The following KCNAB2 variants were observed in gnomAD, a reference collection of about 807,000 sequenced individuals.
The protein encoded by KCNAB2 is potassium voltage-gated channel subfamily A regulatory beta subunit 2.
A neutral mutation model predicts 63.6 loss-of-function variants in KCNAB2; 29 were observed. The ratio of observed to expected loss-of-function variants is 0.46; its 90% confidence interval spans 0.34 to 0.62. The LOEUF (loss-of-function observed/expected upper bound fraction) is 0.62, where lower values mean the gene tolerates loss of function less well. Ranked by LOEUF, KCNAB2 falls within the 20% of genes least tolerant of loss-of-function variation. The pLI, the probability that KCNAB2 is intolerant of heterozygous loss-of-function variation, is 0.01. For synonymous variants in KCNAB2, 222 were observed against 224.2 expected (o/e 0.99, Z 0.09); for missense variants, 359 against 563.9 (o/e 0.64, Z 3.68).
At chr1:6,061,252 A>C (rs1003037067) in intron 2 of KCNAB2, among the ~76,000 whole-genome samples, 12 of 152,238 alleles carry the variant, frequency 7.9e-5, no homozygotes, top group Non-Finnish European at 1.5e-5. Flanking sequence ...ACAGAAAAAG[A>C]ACCAGAAATG....
chr1:6,095,017 T>C (rs1665499366), intron 11 of KCNAB2, among the ~76,000 whole-genome samples: 1 of 151,972 alleles, frequency 6.6e-6, no homozygotes, highest in Admixed American at 6.5e-5. Context: ...CACAGAGAGG[T>C]TCAGTAACAT....
chr1:6,043,733 C>T (rs1660695710), upstream of KCNAB2, among the ~76,000 whole-genome samples: 1 of 152,242 alleles, frequency 6.6e-6, no homozygotes, highest in Non-Finnish European at 1.5e-5. Flanking sequence ...GGCCCTCTCA[C>T]AGGGCAGAGG....
intron 1 of KCNAB2, among the ~76,000 whole-genome samples, chr1:6,019,872 AT>A (rs1212228777): frequency 6.6e-6 from 1 of 152,230 alleles, no homozygotes; most frequent in East Asian, 1.9e-4. Context: ...TGCTCCAGGG[AT>A]TGTCCTAGAC....
intron 1 of KCNAB2, among the ~76,000 whole-genome samples, chr1:6,048,101 A>T (rs1661080480): frequency 6.6e-6 from 1 of 151,872 alleles, no homozygotes; most frequent in South Asian, 2.1e-4. Flanking sequence ...ACATCCCCAA[A>T]CTCAGCCTTC....
At chr1:6,030,540 T>C (rs1237868047), upstream of KCNAB2, among the ~76,000 whole-genome samples, 2 of 151,924 alleles carry the variant, frequency 1.3e-5, no homozygotes, top group Admixed American at 6.6e-5. Context: ...TGTGTGTACA[T>C]ATGTGTGTAT....
At chr1:6,036,294 G>A (rs965394968) in intron 1 of KCNAB2, among the ~76,000 whole-genome samples, 2 of 152,138 alleles carry the variant, frequency 1.3e-5, no homozygotes, top group Non-Finnish European at 2.9e-5. Flanking sequence ...CTTGAGGCCG[G>A]GAGTTGGAGA....
intron 15 of KCNAB2, chr1:6,098,234 C>T (rs932319279): frequency 1.6e-6 from 2 of 1,260,528 alleles, no homozygotes; most frequent in South Asian, 2.1e-5. Context: ...TGCCACCACC[C>T]TTCAGGAAGG....
chr1:6,078,829 G>A lies in KCNAB2; in HGVS notation c.301-3366G>A, dbSNP rs1663934999. 6.6e-6 allele frequency among the ~76,000 whole-genome samples: 1 copy of A among 152,182 alleles called. No homozygotes were observed. Among genetic ancestry groups the A allele is most frequent in the South Asian group, 2.1e-4 (1 of 4,834 alleles). ...ATCCTGATGTGGCAGGGCTGTCGTGGAGCCTGGGAGGCCGCATTTCTGATC... is the reference window on the plus strand; with the variant it reads ...ATCCTGATGTGGCAGGGCTGTCGTGAAGCCTGGGAGGCCGCATTTCTGATC... On this transcript the variant is annotated intron_variant, in intron 4 of 15. Transcript: ENST00000378083. The surrounding 1 kb of genome is among the most constrained non-coding windows in gnomAD (Gnocchi z 4.2).
upstream of KCNAB2, chr1:6,041,622 C>A: frequency 1.7e-6 from 1 of 576,130 alleles, no homozygotes; most frequent in Non-Finnish European, 3.1e-6. Flanking sequence ...GGTCTCTGCC[C>A]CGTGGCCACC....
intron 8 of KCNAB2, 79 bp downstream of exon 8, chr1:6,089,130 GC>G: frequency 2.1e-6 from 3 of 1,425,772 alleles, no homozygotes; most frequent in Non-Finnish European, 2.9e-6. Flanking sequence ...GCAGCACAGG[GC>G]CCGACCCCCC....
intron 4 of KCNAB2, among the ~76,000 whole-genome samples, chr1:6,077,955 C>T (rs766277129): frequency 2.5e-4 from 38 of 152,228 alleles, no homozygotes; most frequent in East Asian, 7.7e-4. Context: ...ACAGCAGCAA[C>T]GTATTCTCTC....
At chr1:6,011,896 G>T (rs111830463) in intron 1 of KCNAB2, among the ~76,000 whole-genome samples, 22 of 152,362 alleles carry the variant, frequency 1.4e-4, no homozygotes, top group African/African-American at 4.8e-4. Flanking sequence ...CCGGAAGGTT[G>T]CTAGGGGAAG....
intron 2 of KCNAB2, among the ~76,000 whole-genome samples, chr1:6,056,893 A>G (rs1238641838): frequency 6.6e-6 from 1 of 151,544 alleles, no homozygotes; most frequent in Non-Finnish European, 1.5e-5. Context: ...ACAAGCACCT[A>G]TGAAGTCATC....
At chr1:6,089,864 A>T (rs532689420) in intron 8 of KCNAB2, among the ~76,000 whole-genome samples, 2 of 151,908 alleles carry the variant, frequency 1.3e-5, no homozygotes, top group African/African-American at 4.8e-5. Flanking sequence ...CATCTGGTTA[A>T]TTTTTTTTGT....
intron 1 of KCNAB2, among the ~76,000 whole-genome samples, chr1:6,016,928 A>G (rs1658538996): frequency 6.6e-6 from 1 of 152,228 alleles, no homozygotes; most frequent in Admixed American, 6.5e-5. Flanking sequence ...TCACATCCCC[A>G]GGAGAGGAGG....
Position 6,072,565 on chromosome 1 carries a change from G to A in KCNAB2, c.219-190G>A, listed in dbSNP as rs746834036. 4.6e-5 allele frequency among the ~76,000 whole-genome samples: 7 copies of A among 152,336 alleles called. No individual in the cohort carries two copies. In the East Asian group the frequency reaches 9.7e-4, roughly 21 times the overall value. On this transcript the variant is annotated intron_variant, in intron 2 of 15. Transcript: ENST00000378083. ...GCCAGCAGCATGGTGTGGGCCGGGG[G>A]CAGTTGGCACTTTACCCCCGGGGTG...
intron 2 of KCNAB2, among the ~76,000 whole-genome samples, chr1:6,068,901 G>A (rs910923518): frequency 6.6e-6 from 1 of 152,200 alleles, no homozygotes; most frequent in Non-Finnish European, 1.5e-5. Flanking sequence ...GCCAGTACCA[G>A]GCGCCACATT....
At chr1:5,995,675 G>C (rs1325866403) in intron 1 of KCNAB2, among the ~76,000 whole-genome samples, 2 of 152,196 alleles carry the variant, frequency 1.3e-5, no homozygotes, top group African/African-American at 4.8e-5. Context: ...CAGGTCCGTG[G>C]TGGGATGAAG....
In KCNAB2 at chr1:6,063,994, C is replaced by T. The variant is rs185255925; in HGVS notation, c.219-8761C>T. ...TCTCCCTGAACTCTGTGCTGCTTAA[C>T]GTGCACCACTGGGGTAAGAACACCC... On this transcript the variant is annotated intron_variant, in intron 2 of 15. Coordinates refer to ENST00000378083, the MANE Select transcript of KCNAB2 (RefSeq NM_001199862.2). 2.6e-5 allele frequency among the ~76,000 whole-genome samples: 4 copies of T among 152,314 alleles called. No homozygotes were observed. The East Asian group carries it at 5.8e-4, about 22-fold the overall frequency.
Sources: allele counts gnomAD v4.1 joint callset (sites outside exome capture counted in the v4.1 genomes callset), GRCh38; gene constraint gnomAD v4.1.1; non-coding constraint Gnocchi (gnomAD v3.1); transcripts MANE v1.5; gene names NCBI Gene and HGNC (gene_info 2026-07-23, HGNC 2026-07-21).